WNT3: variants seen among roughly 807,000 people sequenced by gnomAD.
WNT3 encodes Wnt family member 3.
WNT3 carries 7 observed loss-of-function variants against 34.2 expected under a neutral mutation model. The ratio of observed to expected loss-of-function variants is 0.20; its 90% CI spans 0.12 to 0.38. The LOEUF is 0.38. WNT3 is among the 10% of genes least tolerant of loss of function. The pLI is 1.00. For synonymous variants in WNT3, 212 were observed against 211.5 expected (o/e 1.00, Z -0.02); for missense variants, 267 against 499.8 (o/e 0.53, Z 4.44).
chr17:46,781,498 A>T (rs2059460975), intron 1 of WNT3, among the ~76,000 whole-genome samples: 1 of 152,222 alleles, frequency 6.6e-6, no homozygotes, highest in South Asian at 2.1e-4. Context: ...AACCAGACAC[A>T]TAAGGACAAA....
At position 46,780,632 on chromosome 17, in the gene WNT3, C is replaced by A. The variant is rs1036443006; in HGVS notation, c.81-6723G>T. Among the ~76,000 whole-genome samples, 3 of 152,192 alleles carry A rather than the reference C, an allele frequency of 2.0e-5. No individual in the cohort carries two copies. The East Asian group carries it at 5.8e-4, about 29-fold the overall frequency. Reference sequence around the variant, plus strand: ...TCTACTAAAAATACAAAAAATTAGCCGGGCGTGGTGGCAGGCGCCTGTAGC... The same window carrying A: ...TCTACTAAAAATACAAAAAATTAGCAGGGCGTGGTGGCAGGCGCCTGTAGC... On this transcript the variant is annotated intron_variant, in intron 1 of 4. Coordinates refer to ENST00000225512, the MANE Select transcript of WNT3 (RefSeq NM_030753.5).
At chr17:46,771,535 G>A (rs2059369747) in intron 2 of WNT3, among the ~76,000 whole-genome samples, 1 of 149,056 alleles carries the variant, frequency 6.7e-6, no homozygotes, top group Non-Finnish European at 1.5e-5. Flanking sequence ...TGGGAGCGGC[G>A]CTGACAGCCC....
chr17:46,799,601 C>T (rs1598787604), intron 1 of WNT3, among the ~76,000 whole-genome samples: 1 of 152,090 alleles, frequency 6.6e-6, no homozygotes, highest in African/African-American at 2.4e-5. Context: ...GTGTGCGCCA[C>T]CATGCCTGGC....
intron 1 of WNT3, among the ~76,000 whole-genome samples, chr17:46,788,132 C>T (rs199499): frequency 0.13 from 19,531 of 152,152 alleles, 1,742 homozygotes; most frequent in Middle Eastern, 0.21. Flanking sequence ...AGGTGACATT[C>T]GAGCTGGGCC....
chr17:46,793,543 A>T (rs1205060471), intron 1 of WNT3, among the ~76,000 whole-genome samples: 1 of 152,138 alleles, frequency 6.6e-6, no homozygotes, highest in Non-Finnish European at 1.5e-5. Context: ...CCCACGCCCA[A>T]GGCATTGCAG....
intron 1 of WNT3, among the ~76,000 whole-genome samples, chr17:46,779,261 T>C (rs899531363): frequency 9.2e-5 from 14 of 152,116 alleles, no homozygotes; most frequent in Non-Finnish European, 1.3e-4. Context: ...AGGACAAGAC[T>C]CCTTGGTTCC....
intron 3 of WNT3, 35 bp downstream of exon 3, chr17:46,769,748 T>G: frequency 6.2e-7 from 1 of 1,604,938 alleles, no homozygotes; most frequent in Non-Finnish European, 8.5e-7. Context: ...GGGGGGCTGC[T>G]CCCTGAAGGG....
At chr17:46,808,271 C>CTGA (rs113749035) in intron 1 of WNT3, among the ~76,000 whole-genome samples, 193 of 152,314 alleles carry the variant, frequency 1.3e-3, no homozygotes, top group African/African-American at 4.5e-3. Flanking sequence ...TGAGGACAGC[C>CTGA]TGATGGCTTG....
chr17:46,793,369 A>C (rs1431249764), intron 1 of WNT3, among the ~76,000 whole-genome samples: 1 of 150,906 alleles, frequency 6.6e-6, no homozygotes, highest in African/African-American at 2.4e-5. Context: ...GGAGAAAGGG[A>C]AGGAAGTGCT....
In WNT3 at chr17:46,764,298, G is replaced by A. The variant is rs2059294681; in HGVS notation, c.*332C>T. 1.3e-5 allele frequency: 2 copies of A among 152,612 alleles called. No individual in the cohort carries two copies. The highest frequency in any genetic ancestry group is 4.8e-5 in the African/African-American group (2 of 41,456). 9.5% of individuals were successfully genotyped at this position (152,612 alleles called of 1,614,324 possible). On this transcript the variant is annotated 3_prime_UTR_variant, in exon 5 of 5. Transcript: ENST00000225512. ...CATTAGCCCAGCCTGTTCTGTTGGA[G>A]TCAAATTTTTTTTCATTTTTATTTT...
chr17:46,793,305 G>T (rs987313861), intron 1 of WNT3, among the ~76,000 whole-genome samples: 1 of 135,648 alleles, frequency 7.4e-6, no homozygotes. Context: ...AAAAAAATGA[G>T]GGGAGACATT....
At chr17:46,779,053 T>TCACA (rs56965619) in intron 1 of WNT3, among the ~76,000 whole-genome samples, 4,986 of 100,534 alleles carry the variant, frequency 0.05, 173 homozygotes, top group African/African-American at 0.062. Flanking sequence ...CCCTACCCCA[T>TCACA]CACACACACA....
rs71138553 is a variant in WNT3, at chr17:46,816,119, A to ACACACACACACACACGCACG, written c.80+2398_80+2399insCGTGCGTGTGTGTGTGTGTG. On this transcript the variant is annotated intron_variant, in intron 1 of 4. Coordinates refer to ENST00000225512, the MANE Select transcript of WNT3 (RefSeq NM_030753.5). ...AAGGCATGCGCGCGCACGTACACAC[A>ACACACACACACACACGCACG]CACACACACACTCACACACACGCAC... Among the ~76,000 whole-genome samples the ACACACACACACACACGCACG allele has an allele frequency of 1.5e-3, 229 of 150,666 alleles. 2 individuals carry two copies. The highest frequency in any genetic ancestry group is 3.4e-3 in the East Asian group (17 of 4,996).
intron 1 of WNT3, among the ~76,000 whole-genome samples, chr17:46,787,780 G>A (rs895319749): frequency 2.0e-5 from 3 of 152,106 alleles, no homozygotes; most frequent in Admixed American, 1.3e-4. Context: ...ATGGCGAAAC[G>A]CCTGTCTCTA....
intron 1 of WNT3, among the ~76,000 whole-genome samples, chr17:46,806,688 A>G (rs979632270): frequency 6.6e-6 from 1 of 152,240 alleles, no homozygotes; most frequent in Non-Finnish European, 1.5e-5. Context: ...GAGGCTAGAC[A>G]TTCTCTCCTC....
Position 46,818,509 on chromosome 17 carries a change from G to T in WNT3, c.80+9C>A. 6.2e-7 allele frequency: 1 copy of T among 1,603,332 alleles called. No individual in the cohort carries two copies. Among genetic ancestry groups the T allele is most frequent in the South Asian group, 1.1e-5 (1 of 88,990 alleles). On this transcript the variant is annotated intron_variant, in intron 1 of 4. Coordinates refer to ENST00000225512, the MANE Select transcript of WNT3 (RefSeq NM_030753.5). ...ACCGGGCCGCGGGCAGACAAGAGGC[G>T]AGTCTTACCACCAAATTGGGTAGCC...
At chr17:46,818,001 G>A (rs2084375082) in intron 1 of WNT3, among the ~76,000 whole-genome samples, 1 of 152,116 alleles carries the variant, frequency 6.6e-6, no homozygotes, top group African/African-American at 2.4e-5. Flanking sequence ...TGCCCCGGGA[G>A]GAGCCCTGAA....
At chr17:46,809,197 G>T (rs1323659765) in intron 1 of WNT3, among the ~76,000 whole-genome samples, 1 of 152,214 alleles carries the variant, frequency 6.6e-6, no homozygotes, top group Admixed American at 6.5e-5. Flanking sequence ...CAGATAGGAA[G>T]AGGGGAGCCA....
chr17:46,773,953 A>G (rs1433396519), intron 1 of WNT3, 44 bp from the exon 2 acceptor site: 1 of 1,598,764 alleles, frequency 6.3e-7, no homozygotes, highest in Non-Finnish European at 8.5e-7. Flanking sequence ...CACAAAGCAC[A>G]GAGCCCATCC....
Sources: gnomAD v4.1 joint callset for allele counts (sites outside exome capture counted in the v4.1 genomes callset) on GRCh38, gnomAD v4.1.1 for gene constraint, MANE v1.5 for transcripts, NCBI Gene and HGNC (gene_info 2026-07-23, HGNC 2026-07-21) for gene names.